Variants in SLC36A1 observed in about 807,000 individuals in gnomAD.
The protein encoded by SLC36A1 is proton-coupled amino acid transporter 1.
A neutral mutation model predicts 47.5 loss-of-function variants in SLC36A1; 30 were observed. The ratio of observed to expected loss-of-function variants is 0.63; its 90% confidence interval spans 0.47 to 0.86. The LOEUF is 0.86. Ranked by LOEUF, SLC36A1 falls within the 40% of genes least tolerant of loss-of-function variation. SLC36A1 has a pLI of 0.00. For synonymous variants in SLC36A1, 255 were observed against 249.7 expected (o/e 1.02, Z -0.20); for missense variants, 517 against 606.0 (o/e 0.85, Z 1.54).
the SLC36A1 span, among the ~76,000 whole-genome samples, chr5:151,377,318 C>T: frequency 6.6e-6 from 1 of 151,562 alleles, no homozygotes; most frequent in African/African-American, 2.4e-5. Context: ...TATTGAAGTC[C>T]CCCACTATTA....
chr5:151,417,758 G>A, the SLC36A1 span, among the ~76,000 whole-genome samples: 1 of 152,238 alleles, frequency 6.6e-6, no homozygotes, highest in African/African-American at 2.4e-5. Context: ...AGAATAACCA[G>A]TTTTGGTGGG....
chr5:151,471,960 A>G (rs1360719684), intron 7 of SLC36A1, among the ~76,000 whole-genome samples: 1 of 152,194 alleles, frequency 6.6e-6, no homozygotes. Flanking sequence ...AAATTGTAAA[A>G]AGACAGCAGC....
At chr5:151,348,194 G>C in the SLC36A1 span, among the ~76,000 whole-genome samples, 3 of 152,124 alleles carry the variant, frequency 2.0e-5, no homozygotes, top group Non-Finnish European at 4.4e-5. Context: ...TTCTGGAAAC[G>C]GGGAAGAGGC....
At chr5:151,344,954 T>C in the SLC36A1 span, among the ~76,000 whole-genome samples, 1 of 152,210 alleles carries the variant, frequency 6.6e-6, no homozygotes. Context: ...CATTCAGGGA[T>C]TGGGCTCCAG....
the SLC36A1 span, among the ~76,000 whole-genome samples, chr5:151,424,009 A>T: frequency 6.6e-6 from 1 of 152,222 alleles, no homozygotes; most frequent in Non-Finnish European, 1.5e-5. Flanking sequence ...AATATTTAAG[A>T]AATGTACACG....
At chr5:151,408,571 C>T in the SLC36A1 span, among the ~76,000 whole-genome samples, 5 of 152,186 alleles carry the variant, frequency 3.3e-5, no homozygotes, top group African/African-American at 1.2e-4. Context: ...AGAGAATATA[C>T]ATACATACTA....
intron 5 of SLC36A1, 137 bp downstream of exon 5, chr5:151,465,306 C>T: frequency 1.4e-6 from 1 of 718,554 alleles, no homozygotes; most frequent in South Asian, 1.5e-5. Flanking sequence ...TGGCTCAGCT[C>T]TGCTGGTAGT....
At chr5:151,461,154 A>ATTTTTTTTT (rs3086279) in intron 2 of SLC36A1, among the ~76,000 whole-genome samples, 1 of 125,594 alleles carries the variant, frequency 8.0e-6, no homozygotes. Flanking sequence ...TACTTTTTGT[A>ATTTTTTTTT]TTTTTTTTTT....
intron 10 of SLC36A1, among the ~76,000 whole-genome samples, chr5:151,481,247 G>C (rs886517952): frequency 6.6e-6 from 1 of 152,160 alleles, no homozygotes; most frequent in Non-Finnish European, 1.5e-5. Flanking sequence ...GTGTGCAGTT[G>C]TTTTTCCCTT....
At chr5:151,505,497 C>T in the SLC36A1 span, 293 of 1,589,938 alleles carry the variant, frequency 1.8e-4, 4 homozygotes, top group East Asian at 6.0e-3. Flanking sequence ...TCACCCCCTA[C>T]GAGACAGGAA....
chr5:151,458,867 G>C lies in SLC36A1; in HGVS notation c.75G>C (p.Pro25=). 1 of 1,614,060 alleles carries C rather than the reference G, an allele frequency of 6.2e-7. No homozygotes were observed. Among genetic ancestry groups the C allele is most frequent in the Non-Finnish European group, 8.5e-7 (1 of 1,179,996 alleles). The part of the protein sequence containing the change: ...SSTDVSPEES[P]SEGLNNLSSP... ...CGGACGTGAGCCCTGAGGAGAGCCC[G>C]TCGGAAGGCCTCAACAACCTCTCCT... The change falls in exon 2 of 11, where the codon CCG becomes CCC. Residue 25 remains proline (P), a synonymous_variant. Transcript: ENST00000243389.
At chr5:151,361,997 CCT>C in the SLC36A1 span, among the ~76,000 whole-genome samples, 1 of 152,142 alleles carries the variant, frequency 6.6e-6, no homozygotes, top group Non-Finnish European at 1.5e-5. Flanking sequence ...CATTTAGAAT[CCT>C]CTCTCTGTCC....
chr5:151,438,738 C>T (rs1759924965), intron 1 of SLC36A1, among the ~76,000 whole-genome samples: 1 of 152,198 alleles, frequency 6.6e-6, no homozygotes, highest in South Asian at 2.1e-4. Flanking sequence ...CACCATCTCT[C>T]ATGCACTCTC....
the SLC36A1 span, among the ~76,000 whole-genome samples, chr5:151,346,274 C>T: frequency 2.6e-5 from 4 of 152,170 alleles, no homozygotes; most frequent in Non-Finnish European, 5.9e-5. Flanking sequence ...TAGCAACTTC[C>T]AGGACTAGCC....
At chr5:151,505,985 G>A in the SLC36A1 span, 2 of 1,573,916 alleles carry the variant, frequency 1.3e-6, no homozygotes. Context: ...CTGGGGTTGA[G>A]TGGCGGTGAG....
chr5:151,552,213 C>T, the SLC36A1 span, among the ~76,000 whole-genome samples: 5 of 152,080 alleles, frequency 3.3e-5, no homozygotes, highest in East Asian at 3.9e-4. Context: ...ACCTTGGACT[C>T]GGCCTCAAGT....
At chr5:151,506,165 A>C in the SLC36A1 span, 14 of 1,456,204 alleles carry the variant, frequency 9.6e-6, no homozygotes, top group Non-Finnish European at 1.3e-5. Context: ...GCTCTATAGC[A>C]ACTATATATA....
the SLC36A1 span, chr5:151,507,360 T>A: frequency 4.3e-6 from 7 of 1,614,054 alleles, no homozygotes; most frequent in Non-Finnish European, 5.9e-6. Context: ...ACTCAATGGG[T>A]TGAGCTCGAT....
chr5:151,448,248 T>A (rs561077022), intron 1 of SLC36A1, among the ~76,000 whole-genome samples: 1 of 152,280 alleles, frequency 6.6e-6, no homozygotes, highest in East Asian at 1.9e-4. Flanking sequence ...CCTAAGGTCA[T>A]CCAGTGAGTT....
Sources: allele counts gnomAD v4.1 joint callset (sites outside exome capture counted in the v4.1 genomes callset), GRCh38; gene constraint gnomAD v4.1.1; transcripts MANE v1.5; gene names NCBI Gene and HGNC (gene_info 2026-07-23, HGNC 2026-07-21).